LDLRAP1: variants seen among roughly 807,000 people sequenced by gnomAD.
LDLRAP1 encodes the protein low density lipoprotein receptor adapter protein 1.
Under a neutral mutation model 37.8 loss-of-function variants are expected in LDLRAP1, and 30 were observed. The ratio of observed to expected loss-of-function variants is 0.79; its 90% confidence interval spans 0.59 to 1.08. The LOEUF (loss-of-function observed/expected upper bound fraction) is 1.08. Among genes scored for constraint, LDLRAP1 ranks in the 50% least tolerant of loss-of-function variants. The probability of loss-of-function intolerance (pLI) is 0.00; values close to 1 mark genes in which losing one functional copy is unlikely to be tolerated. For missense variants in LDLRAP1, 375 were observed against 401.6 expected (o/e 0.93, Z 0.57); for synonymous variants, 156 against 169.8 (o/e 0.92, Z 0.63).
chr1:25,589,503 CTAAG>C, the LDLRAP1 span, among the ~76,000 whole-genome samples: 1 of 152,068 alleles, frequency 6.6e-6, no homozygotes. Context: ...AATCCATAGA[CTAAG>C]TAAAGAAGAT....
At chr1:25,548,614 G>T (rs765964436) in intron 1 of LDLRAP1, among the ~76,000 whole-genome samples, 1 of 152,068 alleles carries the variant, frequency 6.6e-6, no homozygotes, top group Non-Finnish European at 1.5e-5. Flanking sequence ...CACCCAGAGT[G>T]CTGGGATTAC....
downstream of LDLRAP1, among the ~76,000 whole-genome samples, chr1:25,572,862 C>T (rs768727490): frequency 3.9e-5 from 6 of 152,226 alleles, no homozygotes; most frequent in Non-Finnish European, 7.3e-5. Flanking sequence ...CACTGTCCCC[C>T]TCAAGGACGC....
Position 25,567,326 on chromosome 1 carries a change from G to A in LDLRAP1, c.*334G>A. 2.5e-6 allele frequency: 1 copy of A among 406,752 alleles called. No individual in the cohort carries two copies. The highest frequency in any genetic ancestry group is 4.7e-6 in the Non-Finnish European group (1 of 213,530). 25.2% of individuals were successfully genotyped at this position (406,752 alleles called of 1,614,324 possible). ...CTCTCCTGGAGCAAGCTCTGCCCTG[G>A]CTGTGGGTATCAGGACTGTGACCAA... On this transcript the variant is annotated 3_prime_UTR_variant, in exon 9 of 9. Coordinates refer to ENST00000374338, the MANE Select transcript of LDLRAP1 (RefSeq NM_015627.3).
the LDLRAP1 span, among the ~76,000 whole-genome samples, chr1:25,577,356 G>GCCAGGACCA: frequency 6.6e-6 from 1 of 152,144 alleles, no homozygotes; most frequent in Admixed American, 6.5e-5. Context: ...GAGGGGACGT[G>GCCAGGACCA]CCAGGACCAC....
At chr1:25,563,602 AG>A (rs2044399376) in intron 6 of LDLRAP1, 58 bp from the exon 7 acceptor site, 2 of 1,605,816 alleles carry the variant, frequency 1.2e-6, no homozygotes, top group South Asian at 1.1e-5. Context: ...CAGCCCAGGG[AG>A]GGGGCCAGGA....
At chr1:25,553,443 G>A (rs991421231) in intron 1 of LDLRAP1, 1 of 162,560 alleles carries the variant, frequency 6.2e-6, no homozygotes, top group African/African-American at 2.4e-5. Flanking sequence ...GTCTGTCAAT[G>A]GGTTTGATTA....
intron 1 of LDLRAP1, among the ~76,000 whole-genome samples, chr1:25,552,849 G>A (rs1318017073): frequency 6.6e-6 from 1 of 152,136 alleles, no homozygotes; most frequent in Non-Finnish European, 1.5e-5. Flanking sequence ...CTTATTTCCT[G>A]ACATTTGTGT....
rs574100264 is a variant in LDLRAP1, at chr1:25,545,235, G to A, written c.88+1449G>A. On this transcript the variant is annotated intron_variant, in intron 1 of 8. Transcript: ENST00000374338. The stretch of plus-strand genomic sequence containing the variant: ...CTCCAGGAATGAGGGAGGGAGGGTG[G>A]TGGGGCAGCCCCCAGGGAAGTGGTT... Among the ~76,000 whole-genome samples, 49 of 152,296 alleles carry A rather than the reference G, an allele frequency of 3.2e-4. No individual in the cohort carries two copies. In the East Asian group the frequency reaches 8.5e-3, roughly 26 times the overall value.
the LDLRAP1 span, among the ~76,000 whole-genome samples, chr1:25,577,691 C>T: frequency 6.6e-6 from 1 of 152,212 alleles, no homozygotes; most frequent in South Asian, 2.1e-4. Context: ...GGGGACAAGA[C>T]AGGGTGCATA....
chr1:25,557,659 G>A (rs1380768759), intron 4 of LDLRAP1, among the ~76,000 whole-genome samples: 2 of 152,174 alleles, frequency 1.3e-5, no homozygotes, highest in Non-Finnish European at 1.5e-5. Context: ...GAAGGCAAAG[G>A]CGAGAGCCGT....
In LDLRAP1 at chr1:25,563,151, G is replaced by T; in HGVS notation, c.614G>T (p.Ser205Ile). Residue 205 changes from serine to isoleucine, a missense_variant and splice_region_variant, in exon 6 of 9, where the codon AGC (serine) becomes ATC (isoleucine). Coordinates refer to ENST00000374338, the MANE Select transcript of LDLRAP1 (RefSeq NM_015627.3). ...CAAGACTGCACCCCCTCCTTGAAGA[G>T]CTGTGAGTCCTGACGGGGAAGGGGG... ...ARQDCTPSLK[S>I]LVATGNLLDL... 6.2e-7 allele frequency: 1 copy of T among 1,613,880 alleles called. No individual in the cohort carries two copies. The highest frequency in any genetic ancestry group is 8.5e-7 in the Non-Finnish European group (1 of 1,179,812).
downstream of LDLRAP1, among the ~76,000 whole-genome samples, chr1:25,569,265 T>C (rs767167204): frequency 6.6e-6 from 1 of 152,148 alleles, no homozygotes; most frequent in Non-Finnish European, 1.5e-5. Flanking sequence ...TTTCCATCAC[T>C]TTTTGGATCC....
intron 1 of LDLRAP1, among the ~76,000 whole-genome samples, chr1:25,547,927 C>T (rs2043976205): frequency 6.6e-6 from 1 of 152,156 alleles, no homozygotes; most frequent in African/African-American, 2.4e-5. Context: ...CTGCTTCTCC[C>T]GGGTCTGGGG....
chr1:25,549,585 C>T (rs1226853890), intron 1 of LDLRAP1, among the ~76,000 whole-genome samples: 7 of 152,310 alleles, frequency 4.6e-5, no homozygotes, highest in African/African-American at 1.7e-4. Flanking sequence ...AAAATTGCAA[C>T]GTTAAAATAG....
chr1:25,590,093 CTCCG>C, the LDLRAP1 span: 48 of 152,380 alleles, frequency 3.2e-4, no homozygotes, highest in African/African-American at 1.1e-3. Flanking sequence ...AAGAGGGAGA[CTCCG>C]TCTCTAAATA....
At chr1:25,564,344 G>A (rs4075184) in intron 7 of LDLRAP1, 90,065 of 177,450 alleles carry the variant, frequency 0.51, 23,673 homozygotes, top group African/African-American at 0.64. Flanking sequence ...AATTAGTACA[G>A]AGAATTCCTG....
chr1:25,560,648 G>A (rs1236475466), intron 4 of LDLRAP1, among the ~76,000 whole-genome samples: 1 of 152,234 alleles, frequency 6.6e-6, no homozygotes, highest in African/African-American at 2.4e-5. Flanking sequence ...CAAGGTTTTT[G>A]CTTCTGGGGC....
chr1:25,547,440 G>T (rs189214770), intron 1 of LDLRAP1, among the ~76,000 whole-genome samples: 2 of 151,748 alleles, frequency 1.3e-5, no homozygotes, highest in Non-Finnish European at 2.9e-5. Flanking sequence ...CCGGGATCAC[G>T]CCACTGCACT....
At chr1:25,543,932 G>A in intron 1 of LDLRAP1, 146 bp downstream of exon 1, 2 of 417,100 alleles carry the variant, frequency 4.8e-6, no homozygotes, top group Non-Finnish European at 7.7e-6. Flanking sequence ...CCGGCCCTGC[G>A]GGGCAGGGGG....
Sources: allele counts gnomAD v4.1 joint callset (sites outside exome capture counted in the v4.1 genomes callset), GRCh38; gene constraint gnomAD v4.1.1; transcripts MANE v1.5; gene names NCBI Gene and HGNC (gene_info 2026-07-23, HGNC 2026-07-21).